Variants in SUCO observed in about 807,000 individuals in gnomAD.
SUCO encodes the protein SUN domain-containing ossification factor.
SUCO carries 57 observed loss-of-function variants against 148.1 expected under a neutral mutation model. That is an observed-to-expected ratio of 0.38 (90% CI 0.31 to 0.48). The LOEUF is 0.48. Among genes scored for constraint, SUCO ranks in the 20% least tolerant of loss-of-function variants. The probability of loss-of-function intolerance (pLI) is 0.96; values close to 1 mark genes in which losing one functional copy is unlikely to be tolerated. For synonymous variants in SUCO, 470 were observed against 502.7 expected, an observed-to-expected ratio of 0.93 and a Z score of 0.87; for missense variants, 1,331 against 1,468.2, an observed-to-expected ratio of 0.91 and a Z score of 1.53.
In SUCO at chr1:172,589,000, A is replaced by G. The variant is rs2149260127; in HGVS notation, c.1899A>G (p.Ile633Met). The G allele has an allele frequency of 1.9e-6, 3 of 1,612,680 alleles. No homozygotes were observed. The highest frequency in any genetic ancestry group is 2.5e-6 in the Non-Finnish European group (3 of 1,179,404). Reference sequence around the variant, plus strand: ...GTATTTCTAGTTTTTCAGAATACATATATAAATGGTGTTCAGTTAGAGTTG... The same window carrying G: ...GTATTTCTAGTTTTTCAGAATACATGTATAAATGGTGTTCAGTTAGAGTTG... ...ICCISSFSEY[I>M]YKWCSVRVAL... Residue 633 changes from isoleucine to methionine, a missense_variant, in exon 18 of 24, where the codon ATA becomes ATG. Transcript: ENST00000263688.
At chr1:172,560,065 T>A (rs1654035744) in intron 6 of SUCO, among the ~76,000 whole-genome samples, 1 of 152,170 alleles carries the variant, frequency 6.6e-6, no homozygotes, top group Non-Finnish European at 1.5e-5. Flanking sequence ...TAGCACCAGA[T>A]GAGTGAAAAT....
chr1:172,577,854 A>G, intron 13 of SUCO, 35 bp downstream of exon 13: 1 of 1,522,962 alleles, frequency 6.6e-7, no homozygotes, highest in East Asian at 2.3e-5. Flanking sequence ...TTGAGTTTTT[A>G]AAAAAATTGA....
intron 6 of SUCO, among the ~76,000 whole-genome samples, chr1:172,564,033 A>C (rs1411144203): frequency 6.6e-6 from 1 of 152,238 alleles, no homozygotes; most frequent in Non-Finnish European, 1.5e-5. Flanking sequence ...CTTCCGTGTG[A>C]TATTGGGCCT....
At chr1:172,568,862 A>C (rs1018572230) in intron 6 of SUCO, among the ~76,000 whole-genome samples, 157 bp from the exon 7 acceptor site, 1 of 152,168 alleles carries the variant, frequency 6.6e-6, no homozygotes, top group African/African-American at 2.4e-5. Context: ...TTTTAAGTAA[A>C]CCAAAACCTT....
Position 172,533,213 on chromosome 1 carries a change from G to A in SUCO, c.-223G>A. ...CGAGCCGGTGGCTGCAGCGGCGGCGGTCCCCGGAGTCCTGTGAAGCGCCCC... is the reference window on the plus strand; with the variant it reads ...CGAGCCGGTGGCTGCAGCGGCGGCGATCCCCGGAGTCCTGTGAAGCGCCCC... On this transcript the variant is annotated 5_prime_UTR_variant, in exon 1 of 24. Transcript: ENST00000263688. 1 of 1,524,274 alleles carries A rather than the reference G, an allele frequency of 6.6e-7. No individual in the cohort carries two copies. Among genetic ancestry groups the A allele is most frequent in the Non-Finnish European group, 8.8e-7 (1 of 1,135,218 alleles). 94.4% of individuals were successfully genotyped at this position (1,524,274 alleles called of 1,614,324 possible).
intron 6 of SUCO, among the ~76,000 whole-genome samples, chr1:172,558,626 G>A (rs1173183619): frequency 2.0e-5 from 3 of 151,960 alleles, no homozygotes; most frequent in African/African-American, 7.3e-5. Context: ...TCACTATCAC[G>A]GGACCAACTG....
intron 6 of SUCO, among the ~76,000 whole-genome samples, chr1:172,558,003 G>A (rs1041645134): frequency 6.6e-6 from 1 of 152,148 alleles, no homozygotes; most frequent in Non-Finnish European, 1.5e-5. Flanking sequence ...TGTTTCAAGT[G>A]TGAACTCTCT....
chr1:172,532,448 A>C (rs1651652963), upstream of SUCO: 2 of 1,572,428 alleles, frequency 1.3e-6, no homozygotes, highest in Non-Finnish European at 1.7e-6. Flanking sequence ...GAAAAAGCGA[A>C]AGGTTTTCCG....
At chr1:172,568,588 A>G (rs987148806) in intron 6 of SUCO, 1 of 260,944 alleles carries the variant, frequency 3.8e-6, no homozygotes, top group Non-Finnish European at 6.0e-6. Flanking sequence ...TTGTGTACAC[A>G]GTGTTTCTTT....
intron 5 of SUCO, 50 bp from the exon 6 acceptor site, chr1:172,557,594 T>C: frequency 6.6e-7 from 1 of 1,505,626 alleles, no homozygotes; most frequent in African/African-American, 1.4e-5. Context: ...GTATAGAATT[T>C]GTTATCCAGT....
chr1:172,579,486 T>C (rs550314490), intron 15 of SUCO, among the ~76,000 whole-genome samples: 1 of 152,208 alleles, frequency 6.6e-6, no homozygotes, highest in South Asian at 2.1e-4. Flanking sequence ...AGGTGTTTCT[T>C]CTACTCTAAT....
chr1:172,570,196 G>A, intron 8 of SUCO, 25 bp downstream of exon 8: 1 of 1,442,636 alleles, frequency 6.9e-7, no homozygotes, highest in Non-Finnish European at 9.4e-7. Context: ...ATAAAATTTT[G>A]TATATATAGG....
chr1:172,532,616 A>C, upstream of SUCO: 1 of 1,614,014 alleles, frequency 6.2e-7, no homozygotes, highest in Non-Finnish European at 8.5e-7. Flanking sequence ...AACTGTGCTC[A>C]AAAGAGGAAA....
Position 172,600,070 on chromosome 1 carries a change from C to T in SUCO, c.2920C>T (p.Arg974Trp), listed in dbSNP as rs952518816. Residue 974 changes from arginine (R) to tryptophan (W), a missense_variant, in exon 20 of 24, where the codon CGG becomes TGG. Around this residue, in one of 3 missense-constraint regions of SUCO, gnomAD observed 334 missense variants for 352.3 expected, o/e 0.95. Coordinates refer to ENST00000263688, the MANE Select transcript of SUCO (RefSeq NM_014283.5). ...TSRIAEEQDQ[R>W]QTEAIQLLQA... Reference sequence around the variant, plus strand: ...ATAAATTCCTTTATCATAGGATCAGCGGCAAACTGAAGCCATCCAGTTGCT... The same window carrying T: ...ATAAATTCCTTTATCATAGGATCAGTGGCAAACTGAAGCCATCCAGTTGCT... The T allele has an allele frequency of 1.3e-5, 20 of 1,598,936 alleles. No homozygotes were observed. The highest frequency in any genetic ancestry group is 1.4e-5 in the Non-Finnish European group (16 of 1,175,074).
intron 19 of SUCO, among the ~76,000 whole-genome samples, chr1:172,598,445 G>A (rs1277015085): frequency 6.6e-6 from 1 of 152,120 alleles, no homozygotes. Context: ...TTTCTGTGTG[G>A]ATTTTAGGCT....
intron 22 of SUCO, among the ~76,000 whole-genome samples, chr1:172,604,791 T>A (rs1249048941): frequency 6.6e-6 from 1 of 151,918 alleles, no homozygotes; most frequent in Non-Finnish European, 1.5e-5. Context: ...GTGATTGGCT[T>A]ATTTCACTCA....
rs1436577401 is a variant in SUCO, at chr1:172,533,408, T to G, written c.-28T>G. 6.4e-7 allele frequency: 1 copy of G among 1,553,280 alleles called. No homozygotes were observed. Among genetic ancestry groups the G allele is most frequent in the Non-Finnish European group, 8.7e-7 (1 of 1,147,908 alleles). Reference sequence around the variant, plus strand: ...GCGGCTGCCGGGAGGATGTGCCGCCTTCTGGCAGGGGGAAGAAGGAGGAGA... The same window carrying G: ...GCGGCTGCCGGGAGGATGTGCCGCCGTCTGGCAGGGGGAAGAAGGAGGAGA... On this transcript the variant is annotated 5_prime_UTR_variant, in exon 1 of 24. Coordinates refer to ENST00000263688, the MANE Select transcript of SUCO (RefSeq NM_014283.5).
intron 19 of SUCO, among the ~76,000 whole-genome samples, chr1:172,596,527 C>G (rs1657109845): frequency 6.6e-6 from 1 of 152,202 alleles, no homozygotes; most frequent in African/African-American, 2.4e-5. Context: ...AGCTGCAGGT[C>G]TGCTGGAGTT....
At chr1:172,567,995 C>T (rs1412456773) in intron 6 of SUCO, among the ~76,000 whole-genome samples, 1 of 152,212 alleles carries the variant, frequency 6.6e-6, no homozygotes, top group Non-Finnish European at 1.5e-5. Flanking sequence ...AATTCTGCCT[C>T]CTGTCATATC....
Sources: gnomAD v4.1 joint callset for allele counts (sites outside exome capture counted in the v4.1 genomes callset) on GRCh38, gnomAD v4.1.1 for gene constraint, gnomAD v4.1.1 regional missense constraint, MANE v1.5 for transcripts, NCBI Gene and HGNC (gene_info 2026-07-23, HGNC 2026-07-21) for gene names.